The following GPR37 variants were observed in gnomAD, a reference collection of about 807,000 sequenced individuals.
GPR37 encodes the protein G protein-coupled receptor 37.
A neutral mutation model predicts 43.6 loss-of-function variants in GPR37; 20 were observed. That is an observed-to-expected ratio of 0.46 (90% CI 0.32 to 0.67). The LOEUF is 0.67. Among genes scored for constraint, GPR37 ranks in the 30% least tolerant of loss-of-function variants. The probability of loss-of-function intolerance (pLI) is 0.03; values close to 1 mark genes in which losing one functional copy is unlikely to be tolerated. For missense variants in GPR37, 724 were observed against 797.2 expected (o/e 0.91, Z 1.11); for synonymous variants, 315 against 322.6 (o/e 0.98, Z 0.25).
rs576375768 is a variant in GPR37 at position 124,764,439 on chromosome 7, A to G, written c.538T>C (p.Phe180Leu). 156 of 1,613,652 alleles carry G rather than the reference A, an allele frequency of 9.7e-5. No individual in the cohort carries two copies. The South Asian group carries it at 1.6e-3, about 17-fold the overall frequency. Residue 180 changes from phenylalanine (F) to leucine (L), a missense_variant, in exon 1 of 2, where the codon TTT (phenylalanine) becomes CTT (leucine). Physicochemically the swap from Phe to Leu is conservative, Grantham distance 22 (BLOSUM62 0). Around this residue, in one of 2 missense-constraint regions of GPR37, gnomAD observed 382 missense variants for 355.4 expected, o/e 1.07. Transcript: ENST00000303921. This position sits in a 1 kb window ranked among gnomAD's most constrained non-coding sequence, Gnocchi z 5.4. The part of the protein sequence containing the change: ...VKTVPGASDL[F>L]YWPRRAGKLQ... ...TTCCCGGCTCTCCTTGGCCAGTAAA[A>G]AAGATCGCTGGCTCCGGGGACTGTC... is the stretch of plus-strand genomic sequence containing the variant.
intron 1 of GPR37, among the ~76,000 whole-genome samples, chr7:124,763,443 T>TTTTC (rs1015596200): frequency 5.9e-5 from 9 of 152,168 alleles, no homozygotes; most frequent in Admixed American, 2.6e-4. Flanking sequence ...ACAAACACAA[T>TTTTC]TTTCTTTCTT....
At chr7:124,760,086 C>T (rs544706305) in intron 1 of GPR37, among the ~76,000 whole-genome samples, 13 of 151,340 alleles carry the variant, frequency 8.6e-5, no homozygotes, top group African/African-American at 3.2e-4. Flanking sequence ...AAATTAACTA[C>T]GAAAAAATTA....
chr7:124,764,478 C>T lies in GPR37; in HGVS notation c.499G>A (p.Glu167Lys). Residue 167 changes from glutamate (E) to lysine (K), a missense_variant, in exon 1 of 2, where the codon GAG becomes AAG. Glu to Lys is a moderately conservative substitution (Grantham distance 56). Coordinates refer to ENST00000303921, the MANE Select transcript of GPR37 (RefSeq NM_005302.5). This position sits in a 1 kb window ranked among gnomAD's most constrained non-coding sequence, Gnocchi z 5.4. ...RGAGISGRSQ[E>K]QSVKTVPGAS... ...CCGGGGACTGTCTTCACACTCTGCT[C>T]CTGGCTACGCCCGGAAATGCCAGCG... 3.7e-6 allele frequency: 6 copies of T among 1,613,696 alleles called. No homozygotes were observed. Among genetic ancestry groups the T allele is most frequent in the Non-Finnish European group, 4.2e-6 (5 of 1,180,044 alleles).
intron 1 of GPR37, among the ~76,000 whole-genome samples, chr7:124,757,997 T>C (rs1427232814): frequency 6.6e-6 from 1 of 152,208 alleles, no homozygotes; most frequent in East Asian, 1.9e-4. Context: ...GTTTTATATA[T>C]AATCCTTAAA....
intron 1 of GPR37, among the ~76,000 whole-genome samples, chr7:124,762,837 G>A (rs1584727505): frequency 6.6e-6 from 1 of 152,210 alleles, no homozygotes; most frequent in East Asian, 1.9e-4. Context: ...TGAACATAGT[G>A]TCACAGGCCC....
intron 1 of GPR37, among the ~76,000 whole-genome samples, chr7:124,758,142 T>C (rs4731208): frequency 0.34 from 51,887 of 152,042 alleles, 9,316 homozygotes; most frequent in East Asian, 0.51. Flanking sequence ...GGATTTCTTA[T>C]TTGAATATTA....
intron 1 of GPR37, among the ~76,000 whole-genome samples, chr7:124,762,436 C>T (rs545717977): frequency 6.6e-6 from 1 of 151,148 alleles, no homozygotes; most frequent in Admixed American, 6.6e-5. Flanking sequence ...CTCTCTTGTC[C>T]GCTTTATACT....
At chr7:124,749,331 T>A (rs539828709) in intron 1 of GPR37, among the ~76,000 whole-genome samples, 12 of 152,074 alleles carry the variant, frequency 7.9e-5, no homozygotes, top group Non-Finnish European at 1.2e-4. Flanking sequence ...CCCAGACAAC[T>A]TGAATATAAG....
chr7:124,750,283 C>T (rs192879593), intron 1 of GPR37, among the ~76,000 whole-genome samples: 194 of 152,272 alleles, frequency 1.3e-3, no homozygotes, highest in African/African-American at 4.5e-3. Context: ...CAGAAACCCT[C>T]GTCAAGGCTT....
rs932375017 is a variant in GPR37 at position 124,744,299 on chromosome 7, C to A, written c.*2226G>T. The A allele has an allele frequency of 5.9e-5, 9 of 152,084 alleles. No individual in the cohort carries two copies. The highest frequency in any genetic ancestry group is 2.0e-4 in the Admixed American group (3 of 15,242). The allele number at this position is 152,084 out of a possible 1,614,324, so 9.4% of individuals were successfully genotyped here. On this transcript the variant is annotated 3_prime_UTR_variant, in exon 2 of 2. Transcript: ENST00000303921. ...GATACTATTTCTCCATACTCAAAAA[C>A]CTTAAAAGCAAAGCCCCATTTCCTG...
intron 1 of GPR37, among the ~76,000 whole-genome samples, chr7:124,749,279 AAAAG>A (rs1793706626): frequency 6.6e-6 from 1 of 152,106 alleles, no homozygotes; most frequent in Non-Finnish European, 1.5e-5. Flanking sequence ...ATATGAGACT[AAAAG>A]AAAACTCCCT....
At chr7:124,757,036 G>C (rs186634695) in intron 1 of GPR37, among the ~76,000 whole-genome samples, 123 of 152,232 alleles carry the variant, frequency 8.1e-4, no homozygotes, top group African/African-American at 2.8e-3. Flanking sequence ...GAGCCCTCAG[G>C]AGCTCAGAAT....
At chr7:124,753,080 T>A (rs1793750934) in intron 1 of GPR37, among the ~76,000 whole-genome samples, 1 of 151,996 alleles carries the variant, frequency 6.6e-6, no homozygotes, top group African/African-American at 2.4e-5. Flanking sequence ...TCATTTAAAG[T>A]TTGGATGGGT....
In GPR37 at chr7:124,746,069, A is replaced by C. The variant is rs1267943954; in HGVS notation, c.*456T>G. ...TAGATTGACAATGACATTAAAGAATAAAGTGTAATTTATTTGGTGCTACTT... is the reference window on the plus strand; with the variant it reads ...TAGATTGACAATGACATTAAAGAATCAAGTGTAATTTATTTGGTGCTACTT... On this transcript the variant is annotated 3_prime_UTR_variant, in exon 2 of 2. Transcript: ENST00000303921. 6.6e-6 allele frequency: 1 copy of C among 152,650 alleles called. No homozygotes were observed. The highest frequency in any genetic ancestry group is 1.5e-5 in the Non-Finnish European group (1 of 68,358). 9.5% of individuals were successfully genotyped at this position (152,650 alleles called of 1,614,324 possible).
At chr7:124,749,979 G>C (rs958410929) in intron 1 of GPR37, among the ~76,000 whole-genome samples, 14 of 152,064 alleles carry the variant, frequency 9.2e-5, no homozygotes, top group Admixed American at 6.6e-4. Flanking sequence ...TGTTCACATT[G>C]ATGAAAATTT....
intron 1 of GPR37, among the ~76,000 whole-genome samples, chr7:124,760,450 G>A (rs558274720): frequency 1.3e-5 from 2 of 152,104 alleles, no homozygotes; most frequent in Admixed American, 6.5e-5. Flanking sequence ...CATCATGCTA[G>A]GCAAATTAAA....
rs1793668930 is a variant in GPR37 at position 124,746,318 on chromosome 7, G to T, written c.*207C>A. On this transcript the variant is annotated 3_prime_UTR_variant, in exon 2 of 2. Coordinates refer to ENST00000303921, the MANE Select transcript of GPR37 (RefSeq NM_005302.5). ...CCAGATAAAATAATCTAAAACTATT[G>T]GCCTTCTCATTCTTCTTAAATAACT... 7 of 422,190 alleles carry T rather than the reference G, an allele frequency of 1.7e-5. No individual in the cohort carries two copies. The highest frequency in any genetic ancestry group is 2.9e-5 in the Non-Finnish European group (7 of 238,354). 26.2% of individuals were successfully genotyped at this position (422,190 alleles called of 1,614,324 possible).
Position 124,745,959 on chromosome 7 carries a change from CAGTA to C in GPR37, c.*562_*565del, listed in dbSNP as rs1236360281. 6.6e-6 allele frequency: 1 copy of C among 151,980 alleles called. No homozygotes were observed. Among genetic ancestry groups the C allele is most frequent in the Non-Finnish European group, 1.5e-5 (1 of 67,980 alleles). 9.4% of individuals were successfully genotyped at this position (151,980 alleles called of 1,614,324 possible). ...CCTTAAAAGAAAATACGTTATAAAACAGTAAGGCCGGTTTTAAATTGTGCATAGA... is the reference window on the plus strand; with the variant it reads ...CCTTAAAAGAAAATACGTTATAAAACAGGCCGGTTTTAAATTGTGCATAGA... On this transcript the variant is annotated 3_prime_UTR_variant, in exon 2 of 2. Transcript: ENST00000303921.
At chr7:124,752,833 A>T (rs1212186126) in intron 1 of GPR37, among the ~76,000 whole-genome samples, 2 of 152,132 alleles carry the variant, frequency 1.3e-5, no homozygotes, top group East Asian at 3.9e-4. Context: ...CATGATTTGT[A>T]TTTTAACTGA....
Sources: allele counts gnomAD v4.1 joint callset (sites outside exome capture counted in the v4.1 genomes callset), GRCh38; gene constraint gnomAD v4.1.1; regional missense constraint gnomAD v4.1.1; non-coding constraint Gnocchi (gnomAD v3.1); transcripts MANE v1.5; gene names NCBI Gene and HGNC (gene_info 2026-07-23, HGNC 2026-07-21).